SPATA31D1: variants seen among roughly 807,000 people sequenced by gnomAD.
The protein encoded by SPATA31D1 is SPATA31 subfamily D member 1.
In SPATA31D1, 6 loss-of-function variants were observed where a neutral mutation model predicts 13.2. The observed-to-expected ratio is 0.46, with a 90% confidence interval of 0.25 to 0.90. SPATA31D1 has a LOEUF of 0.90. SPATA31D1 is among the 40% of genes least tolerant of loss of function. The pLI is 0.18. For missense variants in SPATA31D1, 2,445 were observed against 1,884.7 expected (o/e 1.30, Z -5.50); for synonymous variants, 903 against 718.8 (o/e 1.26, Z -4.10).
At position 81,988,980 on chromosome 9, in the gene SPATA31D1, C is replaced by A; in HGVS notation, c.162C>A (p.Thr54=). The change falls in exon 1 of 4, where the codon ACC becomes ACA. Residue 54 remains threonine, a synonymous_variant. Coordinates refer to ENST00000344803, the MANE Select transcript of SPATA31D1 (RefSeq NM_001001670.3). The part of the protein sequence containing the change: ...YVVLTLYSSP[T]EKNNDIQKHQ... ...TATTGACCCTGTATTCGTCACCCAC[C>A]GAAAAAAATAATGACATCCAAAAGG... The A allele has an allele frequency of 6.8e-6, 11 of 1,611,118 alleles. No individual in the cohort carries two copies. Among genetic ancestry groups the A allele is most frequent in the Non-Finnish European group, 9.3e-6 (11 of 1,179,502 alleles).
Position 81,992,241 on chromosome 9 carries a change from C to G in SPATA31D1, c.1771C>G (p.Leu591Val). The G allele has an allele frequency of 1.9e-6, 3 of 1,613,798 alleles. No individual in the cohort carries two copies. Among genetic ancestry groups the G allele is most frequent in the Non-Finnish European group, 2.5e-6 (3 of 1,179,726 alleles). Residue 591 changes from leucine (L) to valine (V), a missense_variant, in exon 4 of 4, where the codon CTA becomes GTA. Transcript: ENST00000344803. ...TCAACCTCAATCTCCATTCCGAGCC[C>G]TACTACCTAGTCCTCTATTCCTGAT... is the stretch of plus-strand genomic sequence containing the variant. ...LAQPQSPFRALLPSPLFLIRI... is the reference protein window; with the variant it reads ...LAQPQSPFRAVLPSPLFLIRI...
chr9:81,994,740 G>A lies in SPATA31D1; in HGVS notation c.4270G>A (p.Asp1424Asn). 1 of 1,613,962 alleles carries A rather than the reference G, an allele frequency of 6.2e-7. No homozygotes were observed. The highest frequency in any genetic ancestry group is 8.5e-7 in the Non-Finnish European group (1 of 1,179,880). The change falls in exon 4 of 4, where the codon GAT becomes AAT. Residue 1424 changes from aspartate (D) to asparagine (N), a missense_variant. Physicochemically the swap from Asp to Asn is conservative, Grantham distance 23. Transcript: ENST00000344803. ...GAAGCTGGGGCATAGGCATGGGATAGATATCACCTGTCCCCAAGAGCCCCT... is the reference window on the plus strand; with the variant it reads ...GAAGCTGGGGCATAGGCATGGGATAAATATCACCTGTCCCCAAGAGCCCCT... ...EEKLGHRHGI[D>N]ITCPQEPLSF... is the part of the protein sequence containing the mutation.
In SPATA31D1 at chr9:81,988,862, G is replaced by A; in HGVS notation, c.44G>A (p.Gly15Glu). 6.2e-7 allele frequency: 1 copy of A among 1,612,894 alleles called. No individual in the cohort carries two copies. The highest frequency in any genetic ancestry group is 8.5e-7 in the Non-Finnish European group (1 of 1,179,704). ...LCFLNSYTET[G>E]LSPDSHWLDI... ...TTTCTGAACAGCTATACTGAGACAG[G>A]GCTGAGCCCTGACTCACATTGGTTG... Residue 15 changes from glycine to glutamate, a missense_variant, in exon 1 of 4, where the codon GGG (glycine) becomes GAG (glutamate). By Grantham distance (98) the Gly-to-Glu change is moderately conservative. Coordinates refer to ENST00000344803, the MANE Select transcript of SPATA31D1 (RefSeq NM_001001670.3).
At position 81,994,424 on chromosome 9, in the gene SPATA31D1, AAAGAGCCTCCCTGTTCAT is replaced by A; in HGVS notation, c.3957_3974del (p.Lys1319_His1324del). 6.2e-7 allele frequency: 1 copy of A among 1,613,786 alleles called. No homozygotes were observed. The highest frequency in any genetic ancestry group is 1.6e-4 in the Middle Eastern group (1 of 6,062). On this transcript the variant is annotated inframe_deletion, in exon 4 of 4. Coordinates refer to ENST00000344803, the MANE Select transcript of SPATA31D1 (RefSeq NM_001001670.3). ...GGCTGGGGACATCCCAACGCAGGAGAAAGAGCCTCCCTGTTCATAACAAGACATCAGGGGAGGTGCTTG... is the reference window on the plus strand; with the variant it reads ...GGCTGGGGACATCCCAACGCAGGAGAAACAAGACATCAGGGGAGGTGCTTG...
rs1186300226 is a variant in SPATA31D1 at position 81,994,005 on chromosome 9, T to C, written c.3535T>C (p.Ser1179Pro). 1 of 1,613,818 alleles carries C rather than the reference T, an allele frequency of 6.2e-7. No homozygotes were observed. The highest frequency in any genetic ancestry group is 8.5e-7 in the Non-Finnish European group (1 of 1,179,762). Residue 1179 changes from serine (S) to proline (P), a missense_variant, in exon 4 of 4, where the codon TCC (serine) becomes CCC (proline). Ser to Pro is a moderately conservative substitution (Grantham distance 74, BLOSUM62 -1). Coordinates refer to ENST00000344803, the MANE Select transcript of SPATA31D1 (RefSeq NM_001001670.3). ...CSLTNVKAST[S>P]NETEIFPPRI... ...ACTGACAAATGTGAAAGCAAGCACT[T>C]CCAATGAAACTGAAATTTTCCCACC...
upstream of SPATA31D1, among the ~76,000 whole-genome samples, chr9:81,987,945 A>G (rs1277352269): frequency 2.0e-5 from 3 of 152,228 alleles, no homozygotes; most frequent in East Asian, 1.9e-4. Context: ...CCACGTTTCA[A>G]CCAACTCCCC....
At position 81,993,571 on chromosome 9, in the gene SPATA31D1, G is replaced by C. The variant is rs750479925; in HGVS notation, c.3101G>C (p.Ser1034Thr). ...AGAAGAGGTACTACAGATTTTCAAA[G>C]CGAAAAATTAGATTCAACAAGCTCA... ...SLRRGTTDFQ[S>T]EKLDSTSSFP... Residue 1034 changes from serine to threonine, a missense_variant, in exon 4 of 4, where the codon AGC becomes ACC. Ser to Thr is a moderately conservative substitution (Grantham distance 58). Transcript: ENST00000344803. The C allele has an allele frequency of 2.7e-5, 44 of 1,613,872 alleles. No homozygotes were observed. The South Asian group carries it at 4.6e-4, about 17-fold the overall frequency.
Position 81,989,770 on chromosome 9 carries a change from G to T in SPATA31D1, c.187-8G>T, listed in dbSNP as rs751753825. 9.3e-6 allele frequency: 15 copies of T among 1,613,538 alleles called. No homozygotes were observed. The highest frequency in any genetic ancestry group is 2.2e-5 in the South Asian group (2 of 91,058). The stretch of plus-strand genomic sequence containing the variant: ...CCCAGCCTGTCATTATCTGTCTTTT[G>T]TTCTCAGCATCAGGGCAGAGCCAAG... On this transcript the variant is annotated splice_polypyrimidine_tract_variant and splice_region_variant and intron_variant, in intron 1 of 3. Transcript: ENST00000344803.
chr9:81,989,903 T>A (rs577441204), intron 2 of SPATA31D1, 80 bp downstream of exon 2: 45 of 1,507,246 alleles, frequency 3.0e-5, no homozygotes, highest in Middle Eastern at 1.8e-4. Context: ...CATGATTTCT[T>A]AGAATGTCAG....
In SPATA31D1 at chr9:81,994,294, C is replaced by T; in HGVS notation, c.3824C>T (p.Pro1275Leu). The change falls in exon 4 of 4, where the codon CCT becomes CTT. Residue 1275 changes from proline (P) to leucine (L), a missense_variant. Coordinates refer to ENST00000344803, the MANE Select transcript of SPATA31D1 (RefSeq NM_001001670.3). ...GCACAGAAGCAGGAGCCCAGGGTCC[C>T]TACCTGTGTCTTACAGAAGTGTCAA... is the stretch of plus-strand genomic sequence containing the variant. ...RVAQKQEPRVPTCVLQKCQVT... is the reference protein window; with the variant it reads ...RVAQKQEPRVLTCVLQKCQVT... 1 of 1,613,978 alleles carries T rather than the reference C, an allele frequency of 6.2e-7. No homozygotes were observed. The highest frequency in any genetic ancestry group is 8.5e-7 in the Non-Finnish European group (1 of 1,179,894).
chr9:81,992,047 C>T lies in SPATA31D1; in HGVS notation c.1577C>T (p.Ser526Phe). 1 of 1,613,768 alleles carries T rather than the reference C, an allele frequency of 6.2e-7. No individual in the cohort carries two copies. The highest frequency in any genetic ancestry group is 8.5e-7 in the Non-Finnish European group (1 of 1,179,724). The change falls in exon 4 of 4, where the codon TCC becomes TTC. Residue 526 changes from serine (S) to phenylalanine (F), a missense_variant. Coordinates refer to ENST00000344803, the MANE Select transcript of SPATA31D1 (RefSeq NM_001001670.3). ...HPTVLVQRGH[S>F]SMFVFFNGIT... ...ACTGTTCTTGTCCAACGTGGCCATT[C>T]CTCCATGTTTGTATTCTTCAATGGC...
chr9:81,990,681 T>C (rs1236445873), intron 3 of SPATA31D1, 92 bp from the exon 4 acceptor site: 1 of 1,480,334 alleles, frequency 6.8e-7, no homozygotes, highest in East Asian at 2.5e-5. Flanking sequence ...AGGTCCTGGG[T>C]TGGGGGCAAT....
rs1333868487 is a variant in SPATA31D1 at position 81,991,158 on chromosome 9, G to T, written c.688G>T (p.Asp230Tyr). The stretch of plus-strand genomic sequence containing the variant: ...GCCACCACAGCCTGTTTCTCCCTTG[G>T]ATTCCAAGTTCCCCATAGACCATTC... ...PLPPQPVSPL[D>Y]SKFPIDHSPP... Residue 230 changes from aspartate (D) to tyrosine (Y), a missense_variant, in exon 4 of 4, where the codon GAT becomes TAT. Transcript: ENST00000344803. 1.2e-6 allele frequency: 2 copies of T among 1,613,568 alleles called. No homozygotes were observed. Among genetic ancestry groups the T allele is most frequent in the Admixed American group, 1.7e-5 (1 of 59,984 alleles).
At chr9:81,989,868 T>G in intron 2 of SPATA31D1, 45 bp downstream of exon 2, 14 of 1,600,616 alleles carry the variant, frequency 8.7e-6, no homozygotes, top group Non-Finnish European at 1.2e-5. Flanking sequence ...TGACCCTTTC[T>G]GTCTCTTTCA....
At chr9:81,988,204 T>G (rs560737583), upstream of SPATA31D1, among the ~76,000 whole-genome samples, 9 of 152,370 alleles carry the variant, frequency 5.9e-5, no homozygotes, top group South Asian at 1.4e-3. Context: ...GCAGTGAGCT[T>G]CTTTTCCTTG....
In SPATA31D1 at chr9:81,995,129, T is replaced by C; in HGVS notation, c.4659T>C (p.Asp1553=). The C allele has an allele frequency of 6.2e-7, 1 of 1,602,004 alleles. No individual in the cohort carries two copies. Among genetic ancestry groups the C allele is most frequent in the South Asian group, 1.1e-5 (1 of 89,224 alleles). Reference sequence around the variant, plus strand: ...GTGCTAAAAGCCCTGTGTTTAGTGATGTGCCTTTCCTAACTGGACAGAAAA... The same window carrying C: ...GTGCTAAAAGCCCTGTGTTTAGTGACGTGCCTTTCCTAACTGGACAGAAAA... ...PTSAKSPVFS[D]VPFLTGQKML... is the part of the protein sequence containing the mutation. Residue 1553 remains aspartate (D), a synonymous_variant, in exon 4 of 4, where the codon GAT becomes GAC. Coordinates refer to ENST00000344803, the MANE Select transcript of SPATA31D1 (RefSeq NM_001001670.3).
At chr9:81,990,085 G>A in intron 2 of SPATA31D1, 1 of 526,214 alleles carries the variant, frequency 1.9e-6, no homozygotes, top group East Asian at 3.1e-5. Context: ...ATATCCAGGA[G>A]GGACTGCTGG....
At position 81,994,509 on chromosome 9, in the gene SPATA31D1, G is replaced by C. The variant is rs376212908; in HGVS notation, c.4039G>C (p.Glu1347Gln). The C allele has an allele frequency of 8.1e-6, 13 of 1,613,340 alleles. No individual in the cohort carries two copies. The African/African-American group carries it at 1.1e-4, about 13-fold the overall frequency. The change falls in exon 4 of 4, where the codon GAA becomes CAA. Residue 1347 changes from glutamate (E) to glutamine (Q), a missense_variant. Coordinates refer to ENST00000344803, the MANE Select transcript of SPATA31D1 (RefSeq NM_001001670.3). The part of the protein sequence containing the change: ...SPTLKTQPPP[E>Q]NLFRKWMKTS... ...AACCTTGAAAACACAGCCTCCTCCT[G>C]AAAACCTTTTCAGAAAATGGATGAA...
chr9:81,987,479 G>A (rs1463683334), upstream of SPATA31D1, among the ~76,000 whole-genome samples: 3 of 152,106 alleles, frequency 2.0e-5, no homozygotes, highest in African/African-American at 7.2e-5. Flanking sequence ...CAATCCTCAA[G>A]CTTGACCCAA....
Sources: gnomAD v4.1 joint callset for allele counts (sites outside exome capture counted in the v4.1 genomes callset) on GRCh38, gnomAD v4.1.1 for gene constraint, MANE v1.5 for transcripts, NCBI Gene and HGNC (gene_info 2026-07-23, HGNC 2026-07-21) for gene names.